PLAAT3: variants seen among roughly 807,000 people sequenced by gnomAD.
The protein encoded by PLAAT3 is phospholipase A and acyltransferase 3, also known as Ca-independent phospholipase A1/2.
A neutral mutation model predicts 16.7 loss-of-function variants in PLAAT3; 21 were observed. That is an observed-to-expected ratio of 1.26 (90% CI 0.89 to 1.81). The LOEUF (loss-of-function observed/expected upper bound fraction) is 1.81, where lower values mean the gene tolerates loss of function less well. Among genes scored for constraint, PLAAT3 ranks in the 40% most tolerant of loss-of-function variants. The probability of loss-of-function intolerance (pLI) is 0.00; values close to 1 mark genes in which losing one functional copy is unlikely to be tolerated. For synonymous variants in PLAAT3, 76 were observed against 81.7 expected (o/e 0.93, Z 0.38); for missense variants, 219 against 213.7 (o/e 1.02, Z -0.16).
rs59751911 is a variant in PLAAT3, at chr11:63,595,292, G to GAAA, written c.118+2766_118+2768dup. On this transcript the variant is annotated intron_variant, in intron 3 of 4. Coordinates refer to ENST00000415826, the MANE Select transcript of PLAAT3 (RefSeq NM_001128203.2). The stretch of plus-strand genomic sequence containing the variant: ...GGCCACAGAGCAAGACTCCGTCTCG[G>GAAA]AAAAAAAAAAAAAAAAAAAAGAGTG... Among the ~76,000 whole-genome samples the GAAA allele has an allele frequency of 1.1e-3, 94 of 88,364 alleles. 1 individual carries two copies. The highest frequency in any genetic ancestry group is 6.0e-3 in the Middle Eastern group (1 of 166). The allele number at this position is 88,364 out of a possible 152,430, so 58.0% of individuals were successfully genotyped here. A position where few individuals can be genotyped will look rare whatever the true frequency, so the allele number is the denominator to read the frequency against.
At chr11:63,616,291 C>T (rs1938870875), upstream of PLAAT3, 1 of 152,060 alleles carries the variant, frequency 6.6e-6, no homozygotes, top group Non-Finnish European at 1.5e-5. Context: ...CCATTCTACT[C>T]CCTACTCGTG....
intron 4 of PLAAT3, among the ~76,000 whole-genome samples, chr11:63,585,089 G>A (rs963931016): frequency 2.0e-5 from 3 of 150,558 alleles, no homozygotes; most frequent in Admixed American, 1.3e-4. Flanking sequence ...GTGCAATGGC[G>A]CAATCTTGGC....
intron 4 of PLAAT3, among the ~76,000 whole-genome samples, chr11:63,581,679 C>G (rs1015556309): frequency 6.6e-6 from 1 of 152,172 alleles, no homozygotes; most frequent in Non-Finnish European, 1.5e-5. Flanking sequence ...CCTGTTTGTA[C>G]GCCCTCTCCC....
intron 4 of PLAAT3, among the ~76,000 whole-genome samples, chr11:63,586,170 G>A (rs982864186): frequency 1.3e-5 from 2 of 152,144 alleles, no homozygotes; most frequent in African/African-American, 2.4e-5. Flanking sequence ...GTCTCGCTCT[G>A]TTGCCCAGGC....
rs866044197 is a variant in PLAAT3, at chr11:63,592,822, G to A, written c.119-2454C>T. 2.0e-5 allele frequency among the ~76,000 whole-genome samples: 3 copies of A among 152,298 alleles called. No homozygotes were observed. In the Middle Eastern group the frequency reaches 0.01, roughly 518 times the overall value. ...TTCACCAGTGTCTGGCACAGGACAG[G>A]CACTTCAGCAAGTTTATAAGCTTCC... On this transcript the variant is annotated intron_variant, in intron 3 of 4. Coordinates refer to ENST00000415826, the MANE Select transcript of PLAAT3 (RefSeq NM_001128203.2).
rs771330726 is a variant in PLAAT3 at position 63,590,203 on chromosome 11, C to A, written c.284G>T (p.Arg95Leu). 1.2e-6 allele frequency: 2 copies of A among 1,614,190 alleles called. No individual in the cohort carries two copies. The highest frequency in any genetic ancestry group is 2.7e-5 in the African/African-American group (2 of 75,056). The stretch of plus-strand genomic sequence containing the variant: ...CTCCTGCCCCACCAGCTCCTCCGCC[C>A]GCTGGATGATTTTGCTGCAGGGCAG... ...SPLPCSKIIQ[R>L]AEELVGQEVL... The change falls in exon 4 of 5, where the codon CGG becomes CTG. Residue 95 changes from arginine (R) to leucine (L), a missense_variant. Coordinates refer to ENST00000415826, the MANE Select transcript of PLAAT3 (RefSeq NM_001128203.2).
intron 2 of PLAAT3, among the ~76,000 whole-genome samples, chr11:63,612,033 G>A (rs901021220): frequency 6.6e-6 from 1 of 152,228 alleles, no homozygotes; most frequent in South Asian, 2.1e-4. Flanking sequence ...AGCTACTTGG[G>A]AGGCTGAAGC....
chr11:63,600,587 T>TGTTTTG (rs1555045455), intron 2 of PLAAT3, among the ~76,000 whole-genome samples: 2 of 148,320 alleles, frequency 1.3e-5, no homozygotes, highest in African/African-American at 5.0e-5. Context: ...TTTTTTGTTT[T>TGTTTTG]TTTTGTTTTG....
rs746815400 is a variant in PLAAT3 at position 63,603,702 on chromosome 11, CTACACACA to C, written c.16-5547_16-5540del. 1.3e-4 allele frequency among the ~76,000 whole-genome samples: 11 copies of C among 86,684 alleles called. 1 individual carries two copies. The South Asian group carries it at 4.7e-3, about 37-fold the overall frequency. 56.9% of individuals were successfully genotyped at this position (86,684 alleles called of 152,430 possible). A position where few individuals can be genotyped will look rare whatever the true frequency, so the allele number is the denominator to read the frequency against. Reference sequence around the variant, plus strand: ...AAAAGGGCTAGTTAAGTAAATTATCCTACACACACACACACACACACACACACACACAC... The same window carrying C: ...AAAAGGGCTAGTTAAGTAAATTATCCCACACACACACACACACACACACAC... On this transcript the variant is annotated intron_variant, in intron 2 of 4. Transcript: ENST00000415826.
intron 2 of PLAAT3, among the ~76,000 whole-genome samples, chr11:63,609,499 T>C (rs1181514976): frequency 6.6e-6 from 1 of 152,140 alleles, no homozygotes; most frequent in African/African-American, 2.4e-5. Context: ...CTGGCAGGGT[T>C]TGTGTAAAGA....
upstream of PLAAT3, among the ~76,000 whole-genome samples, chr11:63,615,318 ATATGTGTGTATATATGTGTGTATATATG>A (rs1938840315): frequency 3.0e-4 from 6 of 20,086 alleles, 1 homozygote; most frequent in African/African-American, 5.5e-4. Context: ...ATGTGTGTAT[ATATGTGTGTATATATGTGTGTATATATG>A]TGTGTATATA....
Position 63,594,572 on chromosome 11 carries a change from C to CA in PLAAT3, c.118+3488dup, listed in dbSNP as rs200694789. Among the ~76,000 whole-genome samples, 53 of 146,760 alleles carry CA rather than the reference C, an allele frequency of 3.6e-4. 1 individual carries two copies. In the East Asian group the frequency reaches 9.5e-3, roughly 26 times the overall value. On this transcript the variant is annotated intron_variant, in intron 3 of 4. Coordinates refer to ENST00000415826, the MANE Select transcript of PLAAT3 (RefSeq NM_001128203.2). ...CTTGAGAACTGCTCTGTCAGGGGGG[C>CA]AAAAAAAGAGAGTCTGAGAGCAAAA... is the stretch of plus-strand genomic sequence containing the variant.
chr11:63,599,528 T>C (rs951138852), intron 2 of PLAAT3, among the ~76,000 whole-genome samples: 1 of 152,202 alleles, frequency 6.6e-6, no homozygotes, highest in Admixed American at 6.5e-5. Flanking sequence ...TGCTTATTAT[T>C]TCACAGAAAC....
intron 3 of PLAAT3, 75 bp downstream of exon 3, chr11:63,597,986 G>A: frequency 4.1e-6 from 4 of 969,614 alleles, no homozygotes; most frequent in Non-Finnish European, 6.7e-6. Context: ...GGGGTCACCT[G>A]TTACCCACAG....
intron 1 of PLAAT3, 25 bp downstream of exon 1, chr11:63,614,360 T>G: frequency 9.2e-6 from 3 of 326,338 alleles, no homozygotes; most frequent in East Asian, 5.4e-5. Flanking sequence ...TATCGCACCC[T>G]TCCAGGAAGA....
Position 63,596,237 on chromosome 11 carries a change from CAAAAAAAAA to C in PLAAT3, c.118+1815_118+1823del, listed in dbSNP as rs56081443. ...CCTGGGCGACAGAGCGAGACTCTGT[CAAAAAAAAA>C]AAAAAAAAAAAAAAAAAAGAGTTGA... On this transcript the variant is annotated intron_variant, in intron 3 of 4. Coordinates refer to ENST00000415826, the MANE Select transcript of PLAAT3 (RefSeq NM_001128203.2). Among the ~76,000 whole-genome samples the C allele has an allele frequency of 8.1e-4, 33 of 40,730 alleles. No individual in the cohort carries two copies. The South Asian group carries it at 0.039, about 49-fold the overall frequency. 26.7% of individuals were successfully genotyped at this position (40,730 alleles called of 152,430 possible). A position where few individuals can be genotyped will look rare whatever the true frequency, so the allele number is the denominator to read the frequency against.
intron 3 of PLAAT3, among the ~76,000 whole-genome samples, chr11:63,597,298 G>A (rs1312363915): frequency 1.3e-5 from 2 of 152,158 alleles, no homozygotes; most frequent in Non-Finnish European, 2.9e-5. Context: ...GCTGAGGCAG[G>A]TGGATCACGA....
In PLAAT3 at chr11:63,574,647, G is replaced by C. The variant is rs1468812424; in HGVS notation, c.*298C>G. The stretch of plus-strand genomic sequence containing the variant: ...ACGACCAGAAACGCCCTCTACTTGA[G>C]ATAACTGGAGCTGGACTCTGCCTCC... On this transcript the variant is annotated 3_prime_UTR_variant, in exon 5 of 5. Transcript: ENST00000415826. The C allele has an allele frequency of 6.6e-6, 2 of 303,422 alleles. No homozygotes were observed. Among genetic ancestry groups the C allele is most frequent in the East Asian group, 1.5e-4 (2 of 13,554 alleles). 18.8% of individuals were successfully genotyped at this position (303,422 alleles called of 1,614,324 possible). A position where few individuals can be genotyped will look rare whatever the true frequency, so the allele number is the denominator to read the frequency against.
chr11:63,575,944 T>A (rs544802097), intron 4 of PLAAT3, among the ~76,000 whole-genome samples: 1 of 152,164 alleles, frequency 6.6e-6, no homozygotes, highest in African/African-American at 2.4e-5. Flanking sequence ...GTTTATTCTT[T>A]GCAGAGGGTA....
Sources: gnomAD v4.1 joint callset for allele counts (sites outside exome capture counted in the v4.1 genomes callset) on GRCh38, gnomAD v4.1.1 for gene constraint, MANE v1.5 for transcripts, NCBI Gene and HGNC (gene_info 2026-07-23, HGNC 2026-07-21) for gene names.